The following DGKB variants were observed in gnomAD, a reference collection of about 807,000 sequenced individuals.
DGKB encodes the protein 90 kDa diacylglycerol kinase.
A neutral mutation model predicts 114.3 loss-of-function variants in DGKB; 67 were observed. The ratio of observed to expected loss-of-function variants is 0.59; its 90% CI spans 0.48 to 0.72. The LOEUF is 0.72. Among genes scored for constraint, DGKB ranks in the 30% least tolerant of loss-of-function variants. The pLI is 0.00. For synonymous variants in DGKB, 398 were observed against 323.1 expected (o/e 1.23, Z -2.49); for missense variants, 907 against 975.2 (o/e 0.93, Z 0.93).
chr7:14,345,767 CTA>C (rs1454020138), intron 21 of DGKB, among the ~76,000 whole-genome samples: 1 of 151,258 alleles, frequency 6.6e-6, no homozygotes, highest in Non-Finnish European at 1.5e-5. Context: ...CAAGAATTAA[CTA>C]ATAATATAGA....
At chr7:14,618,305 T>G (rs983545684) in intron 15 of DGKB, among the ~76,000 whole-genome samples, 1 of 151,506 alleles carries the variant, frequency 6.6e-6, no homozygotes, top group African/African-American at 2.4e-5. Flanking sequence ...AAAGAGGCAG[T>G]TTTGTGAGGA....
intron 2 of DGKB, among the ~76,000 whole-genome samples, chr7:14,784,346 A>G (rs1436428262): frequency 6.6e-6 from 1 of 150,474 alleles, no homozygotes; most frequent in African/African-American, 2.4e-5. Flanking sequence ...GACCATGTTC[A>G]CCATCCGTCC....
At chr7:14,164,283 C>A (rs1263265676) in intron 25 of DGKB, among the ~76,000 whole-genome samples, 3 of 152,120 alleles carry the variant, frequency 2.0e-5, no homozygotes, top group Non-Finnish European at 2.9e-5. Context: ...ATTAGAGCAA[C>A]TTAAGATTCT....
In DGKB at chr7:14,148,960, C is replaced by T. The variant is rs2128208512; in HGVS notation, c.*171G>A. On this transcript the variant is annotated 3_prime_UTR_variant, in exon 26 of 26. Transcript: ENST00000402815. ...GCAAAGATGCCTATAAAAACTGAGA[C>T]AATAAATTTTCTAATAGCTGAATTT... is the stretch of plus-strand genomic sequence containing the variant. 1.6e-6 allele frequency: 1 copy of T among 620,596 alleles called. No homozygotes were observed. The highest frequency in any genetic ancestry group is 2.8e-6 in the Non-Finnish European group (1 of 356,324). 38.4% of individuals were successfully genotyped at this position (620,596 alleles called of 1,614,324 possible).
At chr7:14,666,509 A>G (rs1818049821) in intron 13 of DGKB, among the ~76,000 whole-genome samples, 1 of 152,012 alleles carries the variant, frequency 6.6e-6, no homozygotes, top group Non-Finnish European at 1.5e-5. Flanking sequence ...TCAGTGTGTT[A>G]TCTGCAGCAA....
intron 23 of DGKB, among the ~76,000 whole-genome samples, chr7:14,197,704 T>A (rs1785227336): frequency 6.6e-6 from 1 of 152,176 alleles, no homozygotes; most frequent in Non-Finnish European, 1.5e-5. Flanking sequence ...TTCTTTTAGG[T>A]AAAAATGCAA....
intron 20 of DGKB, among the ~76,000 whole-genome samples, chr7:14,524,584 T>C (rs1790326420): frequency 6.6e-6 from 1 of 152,000 alleles, no homozygotes; most frequent in Non-Finnish European, 1.5e-5. Context: ...GACAAAACCC[T>C]GTCCCTACTA....
At chr7:14,215,442 C>G (rs1232137515) in intron 23 of DGKB, among the ~76,000 whole-genome samples, 1 of 152,102 alleles carries the variant, frequency 6.6e-6, no homozygotes, top group Non-Finnish European at 1.5e-5. Context: ...TGCACGTACA[C>G]TCCCTTTCAA....
chr7:14,752,429 G>A (rs1834269807), intron 4 of DGKB, among the ~76,000 whole-genome samples: 1 of 152,150 alleles, frequency 6.6e-6, no homozygotes, highest in Non-Finnish European at 1.5e-5. Context: ...GCAAGCCCCT[G>A]TGGAGTTATG....
chr7:14,707,264 C>T (rs1223404979), intron 6 of DGKB, among the ~76,000 whole-genome samples: 1 of 148,010 alleles, frequency 6.8e-6, no homozygotes, highest in Non-Finnish European at 1.5e-5. Context: ...AAGACTAAAC[C>T]AGGAAGAAGT....
At chr7:14,493,005 C>G (rs1022025340) in intron 20 of DGKB, among the ~76,000 whole-genome samples, 1 of 152,034 alleles carries the variant, frequency 6.6e-6, no homozygotes, top group African/African-American at 2.4e-5. Context: ...AATGCTTAAT[C>G]TATGCAAACT....
chr7:14,502,302 A>G (rs1331701722), intron 20 of DGKB, among the ~76,000 whole-genome samples: 1 of 151,994 alleles, frequency 6.6e-6, no homozygotes, highest in Non-Finnish European at 1.5e-5. Flanking sequence ...GTCAGGTAGA[A>G]CCAAGGTACT....
intron 21 of DGKB, among the ~76,000 whole-genome samples, chr7:14,414,608 CTT>C (rs1825419410): frequency 6.6e-6 from 1 of 152,008 alleles, no homozygotes; most frequent in African/African-American, 2.4e-5. Context: ...CATTAAAATT[CTT>C]TGTCTCTGTA....
At chr7:14,754,184 C>A (rs534733668) in intron 3 of DGKB, among the ~76,000 whole-genome samples, 1 of 151,992 alleles carries the variant, frequency 6.6e-6, no homozygotes, top group Non-Finnish European at 1.5e-5. Context: ...TCTAAAACTG[C>A]GTGGGGTCGG....
intron 2 of DGKB, among the ~76,000 whole-genome samples, chr7:14,838,294 A>G (rs1024767511): frequency 1.3e-4 from 20 of 152,182 alleles, no homozygotes; most frequent in Non-Finnish European, 1.5e-5. Flanking sequence ...TCTATATCTG[A>G]GCAATAGCAA....
At chr7:14,914,399 A>G (rs1172915653) in intron 1 of DGKB, among the ~76,000 whole-genome samples, 1 of 152,212 alleles carries the variant, frequency 6.6e-6, no homozygotes, top group Admixed American at 6.5e-5. Flanking sequence ...TACAAGATAC[A>G]GACTCTAACT....
intron 13 of DGKB, among the ~76,000 whole-genome samples, chr7:14,654,195 A>T (rs1815283185): frequency 6.6e-6 from 1 of 152,112 alleles, no homozygotes; most frequent in Admixed American, 6.6e-5. Flanking sequence ...GTTGCAGGAT[A>T]TAAAAATTAA....
chr7:14,905,247 T>C (rs1562864950), upstream of DGKB, among the ~76,000 whole-genome samples: 2 of 63,890 alleles, frequency 3.1e-5, no homozygotes, highest in African/African-American at 1.4e-4. Context: ...CTTGTTAGTT[T>C]TTTTTTTTTT....
chr7:14,543,507 T>C (rs1260507629), intron 20 of DGKB, among the ~76,000 whole-genome samples: 3 of 152,084 alleles, frequency 2.0e-5, no homozygotes, highest in Non-Finnish European at 4.4e-5. Context: ...AGAAGTTCTA[T>C]CTGAAAGAAT....
Sources: gnomAD v4.1 joint callset for allele counts (sites outside exome capture counted in the v4.1 genomes callset) on GRCh38, gnomAD v4.1.1 for gene constraint, MANE v1.5 for transcripts, NCBI Gene and HGNC (gene_info 2026-07-23, HGNC 2026-07-21) for gene names.